PDZD7: variants seen among roughly 807,000 people sequenced by gnomAD.
PDZD7 encodes the protein PDZ domain containing 7, also known as PDZ domain-containing protein 7.
A neutral mutation model predicts 84.7 loss-of-function variants in PDZD7; 72 were observed. That is an observed-to-expected ratio of 0.85 (90% CI 0.70 to 1.03). The LOEUF (loss-of-function observed/expected upper bound fraction) is 1.03. Among genes scored for constraint, PDZD7 ranks in the 50% least tolerant of loss-of-function variants. The pLI is 0.00. For synonymous variants in PDZD7, 594 were observed against 580.7 expected, an observed-to-expected ratio of 1.02 and a Z score of -0.33; for missense variants, 1,490 against 1,412.9, an observed-to-expected ratio of 1.05 and a Z score of -0.87.
chr10:101,019,364 G>T, intron 7 of PDZD7, 147 bp from the exon 8 acceptor site: 2 of 1,006,538 alleles, frequency 2.0e-6, no homozygotes, highest in Non-Finnish European at 2.9e-6. Context: ...CCGCTGCTCC[G>T]AAATGCTGCC....
rs1465567484 is a variant in PDZD7, at chr10:101,010,320, T to TG, written c.2568dup (p.Ser857GlnfsTer25). 6 of 1,536,094 alleles carry TG rather than the reference T, an allele frequency of 3.9e-6. No individual in the cohort carries two copies. The highest frequency in any genetic ancestry group is 3.9e-5 in the Admixed American group (2 of 51,004). On this transcript the variant is annotated frameshift_variant, in exon 15 of 17. Transcript: ENST00000619208. LOFTEE classifies it high-confidence loss of function. ...AGTGTCACTGTCTTCAGCTCGCCAC[T>TG]GGGGTTCTTCATGGCTGCCTCCTTG...
chr10:101,008,148 G>A lies in PDZD7; in HGVS notation c.*319C>T, dbSNP rs1247674232. The A allele has an allele frequency of 7.3e-6, 3 of 411,014 alleles. No homozygotes were observed. The highest frequency in any genetic ancestry group is 2.0e-5 in the African/African-American group (1 of 50,666). 25.5% of individuals were successfully genotyped at this position (411,014 alleles called of 1,614,324 possible). A position where few individuals can be genotyped will look rare whatever the true frequency, so the allele number is the denominator to read the frequency against. ...CCCTGGAGGCTTGGGCGACTCATAA[G>A]GGACAGCATGTGAGAAAGTGCCCAC... On this transcript the variant is annotated 3_prime_UTR_variant, in exon 17 of 17. Transcript: ENST00000619208.
intron 2 of PDZD7, 41 bp downstream of exon 2, chr10:101,029,953 A>ACCCCCACCCCCGG: frequency 1.4e-6 from 1 of 719,818 alleles, no homozygotes; most frequent in Non-Finnish European, 2.4e-6. Context: ...CCCTACCCCC[A>ACCCCCACCCCCGG]CCCTCCCCAA....
Position 101,015,823 on chromosome 10 carries a change from G to T in PDZD7, c.1574-12C>A. 2 of 1,544,140 alleles carry T rather than the reference G, an allele frequency of 1.3e-6. No homozygotes were observed. Among genetic ancestry groups the T allele is most frequent in the Non-Finnish European group, 8.7e-7 (1 of 1,143,286 alleles). ...GCCCCTCTCCTGGTCTGCAGGGCAG[G>T]AACCATCAGGGGAGGGGAGAGGGGC... On this transcript the variant is annotated splice_polypyrimidine_tract_variant and intron_variant, in intron 10 of 16. Transcript: ENST00000619208.
rs1430484644 is a variant in PDZD7 at position 101,016,313 on chromosome 10, A to G, written c.1573+64T>C. 5 of 1,516,142 alleles carry G rather than the reference A, an allele frequency of 3.3e-6. No homozygotes were observed. The Admixed American group carries it at 7.9e-5, about 24-fold the overall frequency. The allele number at this position is 1,516,142 out of a possible 1,614,324, so 93.9% of individuals were successfully genotyped here. On this transcript the variant is annotated intron_variant, in intron 10 of 16. Coordinates refer to ENST00000619208, the MANE Select transcript of PDZD7 (RefSeq NM_001195263.2). ...GTCCAGAGCCACTCAGCTGGCCCCC[A>G]GTATGCACCCTCATCTGCCGCTCTA...
chr10:101,023,829 G>A, intron 3 of PDZD7, 99 bp downstream of exon 3: 1 of 1,592,018 alleles, frequency 6.3e-7, no homozygotes, highest in Non-Finnish European at 8.6e-7. Context: ...TCCAGAGCTG[G>A]GGACTCTTCC....
chr10:101,014,671 G>GACACACACACACAC (rs3051191), intron 11 of PDZD7, among the ~76,000 whole-genome samples: 16 of 149,042 alleles, frequency 1.1e-4, no homozygotes, highest in Admixed American at 2.0e-4. Flanking sequence ...ACAATGCATG[G>GACACACACACACAC]ACACACACAC....
Position 101,020,678 on chromosome 10 carries a change from C to G in PDZD7, c.868G>C (p.Glu290Gln), listed in dbSNP as rs202080044. 1 of 1,613,614 alleles carries G rather than the reference C, an allele frequency of 6.2e-7. No homozygotes were observed. Among genetic ancestry groups the G allele is most frequent in the East Asian group, 2.2e-5 (1 of 44,868 alleles). ...TTGTAGGCAGGATACCGGCCGGTCT[C>G]CTGGGGAGGGGATGGTGGGCATAGG... ...GQTHIMLTIK[E>Q]TGRYPAYKEM... Residue 290 changes from glutamate to glutamine, a missense_variant and splice_region_variant, in exon 7 of 17, where the codon GAG (glutamate) becomes CAG (glutamine). Transcript: ENST00000619208.
chr10:101,024,119 G>A (rs1246296851), intron 2 of PDZD7, 51 bp from the exon 3 acceptor site: 8 of 1,613,846 alleles, frequency 5.0e-6, no homozygotes, highest in South Asian at 2.2e-5. Context: ...TGGGCACAGA[G>A]GGCCCCTGGG....
Position 101,015,742 on chromosome 10 carries a change from T to C in PDZD7, c.1643A>G (p.Asp548Gly). ...GSPSSQLPNV[D>G]EQVQAWESRR... ...GCTCTCCCAGGCCTGAACCTGCTCA[T>C]CCACATTAGGCAGCTGGCTGGAGGG... is the stretch of plus-strand genomic sequence containing the variant. Residue 548 changes from aspartate to glycine, a missense_variant, in exon 11 of 17, where the codon GAT becomes GGT. Transcript: ENST00000619208. 6.5e-7 allele frequency: 1 copy of C among 1,550,072 alleles called. No homozygotes were observed. Among genetic ancestry groups the C allele is most frequent in the Non-Finnish European group, 8.7e-7 (1 of 1,146,946 alleles).
In PDZD7 at chr10:101,019,049, G is replaced by T. The variant is rs1216565026; in HGVS notation, c.1097C>A (p.Ala366Glu). Residue 366 changes from alanine (A) to glutamate (E), a missense_variant, in exon 8 of 17, where the codon GCG (alanine) becomes GAG (glutamate). Coordinates refer to ENST00000619208, the MANE Select transcript of PDZD7 (RefSeq NM_001195263.2). ...GGGCTCCGTCTGCATGGCTGTGTCC[G>T]CCCGCCCCCAGCCTGGGCCGCGGCT... ...PGSRGPGWGR[A>E]DTAMQTEPDA... The T allele has an allele frequency of 1.9e-6, 3 of 1,572,918 alleles. No homozygotes were observed. The highest frequency in any genetic ancestry group is 1.8e-5 in the Admixed American group (1 of 54,760).
chr10:101,017,925 G>GAAAA (rs1214423239), intron 9 of PDZD7, 174 bp downstream of exon 9: 1 of 548,586 alleles, frequency 1.8e-6, no homozygotes, highest in Non-Finnish European at 3.2e-6. Context: ...AAGAAAGAAA[G>GAAAA]AAAAAGAAAT....
intron 16 of PDZD7, 149 bp from the exon 17 acceptor site, chr10:101,008,999 T>C (rs1464198236): frequency 1.5e-5 from 16 of 1,086,210 alleles, no homozygotes; most frequent in Non-Finnish European, 3.8e-6. Flanking sequence ...CTTTTGTGCC[T>C]GCAGTTGTTG....
intron 11 of PDZD7, among the ~76,000 whole-genome samples, chr10:101,014,722 T>C (rs571042664): frequency 6.7e-6 from 1 of 148,820 alleles, no homozygotes; most frequent in African/African-American, 2.5e-5. Flanking sequence ...CTTGCTCACA[T>C]GCACACACAC....
intron 2 of PDZD7, among the ~76,000 whole-genome samples, chr10:101,029,782 ACGAC>A: frequency 6.6e-6 from 1 of 152,232 alleles, no homozygotes; most frequent in Non-Finnish European, 1.5e-5. Flanking sequence ...TGACCCTTCT[ACGAC>A]CCTGGACCCC....
At position 101,022,139 on chromosome 10, in the gene PDZD7, C is replaced by A. The variant is rs1334603436; in HGVS notation, c.719+70G>T. ...CCTCACTTGCTGACCATCCCCACAT[C>A]CCAGCCTAGGCCCCACTCCAGACCC... On this transcript the variant is annotated intron_variant, in intron 5 of 16. Coordinates refer to ENST00000619208, the MANE Select transcript of PDZD7 (RefSeq NM_001195263.2). 1.0e-5 allele frequency: 16 copies of A among 1,600,946 alleles called. No individual in the cohort carries two copies. The African/African-American group carries it at 1.5e-4, about 15-fold the overall frequency.
rs760801145 is a variant in PDZD7 at position 101,019,068 on chromosome 10, C to A, written c.1078G>T (p.Gly360Cys). The A allele has an allele frequency of 1.3e-6, 2 of 1,573,868 alleles. No individual in the cohort carries two copies. Among genetic ancestry groups the A allele is most frequent in the East Asian group, 2.3e-5 (1 of 43,552 alleles). Residue 360 changes from glycine (G) to cysteine (C), a missense_variant, in exon 8 of 17, where the codon GGC becomes TGC. Gly to Cys is a radical substitution (Grantham distance 159). Coordinates refer to ENST00000619208, the MANE Select transcript of PDZD7 (RefSeq NM_001195263.2). ...GTGTCCGCCCGCCCCCAGCCTGGGC[C>A]GCGGCTGCCGGGCTCCTCCTGCCCG... Reference protein sequence around the residue: ...CLGQEEPGSRGPGWGRADTAM... With the variant: ...CLGQEEPGSRCPGWGRADTAM...
rs10579208 is a variant in PDZD7, at chr10:101,015,464, ATGTG to A, written c.1749+168_1749+171del. 0.14 allele frequency among the ~76,000 whole-genome samples: 21,103 copies of A among 149,660 alleles called. 1,963 individuals are homozygous for A. Among genetic ancestry groups the A allele is most frequent in the East Asian group, 0.52 (2,641 of 5,090 alleles). ...AGCTCTTCTTCCTGTGAGCTGGCAG[ATGTG>A]TGTGTGTGTGTGTGTGTGTGTGTGA... On this transcript the variant is annotated intron_variant, in intron 11 of 16. Transcript: ENST00000619208.
chr10:101,015,876 T>A, intron 10 of PDZD7, 65 bp from the exon 11 acceptor site: 1 of 1,491,020 alleles, frequency 6.7e-7, no homozygotes. Context: ...GGCCCCAGAA[T>A]TGGCCAGCTG....
Sources: allele counts gnomAD v4.1 joint callset (sites outside exome capture counted in the v4.1 genomes callset), GRCh38; gene constraint gnomAD v4.1.1; transcripts MANE v1.5; gene names NCBI Gene and HGNC (gene_info 2026-07-23, HGNC 2026-07-21).